SLC18A2: variants seen among roughly 807,000 people sequenced by gnomAD.
The protein encoded by SLC18A2 is synaptic vesicular amine transporter.
A neutral mutation model predicts 59.2 loss-of-function variants in SLC18A2; 33 were observed. That is an observed-to-expected ratio of 0.56 (90% CI 0.42 to 0.75). The LOEUF (loss-of-function observed/expected upper bound fraction) is 0.75, where lower values mean the gene tolerates loss of function less well. Ranked by LOEUF, SLC18A2 falls within the 30% of genes least tolerant of loss-of-function variation. The pLI, the probability that SLC18A2 is intolerant of heterozygous loss-of-function variation, is 0.00. For synonymous variants in SLC18A2, 228 were observed against 253.5 expected, an observed-to-expected ratio of 0.90 and a Z score of 0.95; for missense variants, 569 against 668.6, an observed-to-expected ratio of 0.85 and a Z score of 1.64.
chr10:117,244,499 C>G (rs1389297249), intron 3 of SLC18A2, among the ~76,000 whole-genome samples, 186 bp downstream of exon 3: 1 of 152,208 alleles, frequency 6.6e-6, no homozygotes, highest in Non-Finnish European at 1.5e-5. Context: ...CTATTCTATT[C>G]TCCCTTCTGT....
chr10:117,270,210 A>C lies in SLC18A2; in HGVS notation c.1306+20A>C, dbSNP rs768908381. 4 of 1,614,052 alleles carry C rather than the reference A, an allele frequency of 2.5e-6. No homozygotes were observed. The highest frequency in any genetic ancestry group is 1.1e-5 in the South Asian group (1 of 90,998). Reference sequence around the variant, plus strand: ...CTATAGGTAAGGACATTGGCTTTTCATAAGAACCTTTTACCTCAATACGTA... The same window carrying C: ...CTATAGGTAAGGACATTGGCTTTTCCTAAGAACCTTTTACCTCAATACGTA... On this transcript the variant is annotated intron_variant, in intron 14 of 15. Coordinates refer to ENST00000644641, the MANE Select transcript of SLC18A2 (RefSeq NM_003054.6).
At chr10:117,267,409 G>C in intron 12 of SLC18A2, 1 of 439,522 alleles carries the variant, frequency 2.3e-6, no homozygotes, top group East Asian at 3.4e-5. Flanking sequence ...ACTTGTTCTT[G>C]TCAAAACTTG....
At chr10:117,254,583 G>T in intron 6 of SLC18A2, 86 bp downstream of exon 6, 1 of 909,716 alleles carries the variant, frequency 1.1e-6, no homozygotes, top group Non-Finnish European at 1.6e-6. Context: ...TGACCCTGGC[G>T]CAGTTTGCAC....
rs1844512422 is a variant in SLC18A2, at chr10:117,277,337, A to C, written c.*71A>C. 2.2e-5 allele frequency: 20 copies of C among 928,556 alleles called. No individual in the cohort carries two copies. Among genetic ancestry groups the C allele is most frequent in the Non-Finnish European group, 3.4e-5 (20 of 593,542 alleles). The allele number at this position is 928,556 out of a possible 1,614,324, so 57.5% of individuals were successfully genotyped here. On this transcript the variant is annotated 3_prime_UTR_variant, in exon 16 of 16. Coordinates refer to ENST00000644641, the MANE Select transcript of SLC18A2 (RefSeq NM_003054.6). ...GTGTTTCCAGTGACACAACTCATCC[A>C]GAACTGTCTTAGTCATACCATCCAT... is the stretch of plus-strand genomic sequence containing the variant.
intron 5 of SLC18A2, 101 bp downstream of exon 5, chr10:117,254,232 G>A (rs972068098): frequency 1.5e-6 from 2 of 1,295,294 alleles, no homozygotes; most frequent in Admixed American, 1.8e-5. Context: ...GGGTGCTGGG[G>A]ATTCTTGGAG....
rs766070971 is a variant in SLC18A2 at position 117,266,760 on chromosome 10, CTT to C, written c.1020_1021del (p.Tyr341SerfsTer119). 1.9e-6 allele frequency: 3 copies of C among 1,613,964 alleles called. No homozygotes were observed. Among genetic ancestry groups the C allele is most frequent in the South Asian group, 1.1e-5 (1 of 91,040 alleles). The stretch of plus-strand genomic sequence containing the variant: ...GTTGCCTTCTTGCCAGCTAGTATCT[CTT>C]ATCTCATTGGAACCAATATTTTTGG... On this transcript the variant is annotated frameshift_variant, in exon 11 of 16. Transcript: ENST00000644641. LOFTEE classifies it high-confidence loss of function.
intron 15 of SLC18A2, among the ~76,000 whole-genome samples, chr10:117,270,942 A>G (rs1844418376): frequency 6.6e-6 from 1 of 152,226 alleles, no homozygotes. Flanking sequence ...ATCATTGTAT[A>G]TGGACTTTGG....
Position 117,278,495 on chromosome 10 carries a change from A to G in SLC18A2, c.*1229A>G, listed in dbSNP as rs1844532237. On this transcript the variant is annotated 3_prime_UTR_variant, in exon 16 of 16. Coordinates refer to ENST00000644641, the MANE Select transcript of SLC18A2 (RefSeq NM_003054.6). ...TGATGTGCCTTTTCAGTGTAACAGC[A>G]AATACTGTTAGTGAACATTGTCAAT... 6.6e-6 allele frequency: 1 copy of G among 152,250 alleles called. No homozygotes were observed. The highest frequency in any genetic ancestry group is 1.5e-5 in the Non-Finnish European group (1 of 68,040). The allele number at this position is 152,250 out of a possible 1,614,324, so 9.4% of individuals were successfully genotyped here.
At chr10:117,263,905 C>T (rs1844320990) in intron 10 of SLC18A2, among the ~76,000 whole-genome samples, 1 of 152,156 alleles carries the variant, frequency 6.6e-6, no homozygotes, top group African/African-American at 2.4e-5. Context: ...CCTTCTGTGG[C>T]TCTGGGGTGC....
intron 10 of SLC18A2, among the ~76,000 whole-genome samples, chr10:117,266,021 C>G (rs564518907): frequency 9.7e-4 from 138 of 141,736 alleles, no homozygotes; most frequent in African/African-American, 3.4e-3. Context: ...ACCTGGGAGG[C>G]AGAGGTTGCA....
Position 117,269,958 on chromosome 10 carries a change from G to T in SLC18A2, c.1187-113G>T. ...CACCCCAAGACTTGCAGGTGGTGAT[G>T]ACAGAAGGGGAAGAGCTGGCAGGGT... On this transcript the variant is annotated intron_variant, in intron 13 of 15. Transcript: ENST00000644641. This position sits in a 1 kb window ranked among gnomAD's most constrained non-coding sequence, Gnocchi z 5.1. The T allele has an allele frequency of 7.7e-7, 1 of 1,293,476 alleles. No homozygotes were observed. 80.1% of individuals were successfully genotyped at this position (1,293,476 alleles called of 1,614,324 possible).
chr10:117,259,585 C>T (rs1011616390), intron 10 of SLC18A2, among the ~76,000 whole-genome samples: 4 of 152,154 alleles, frequency 2.6e-5, no homozygotes, highest in African/African-American at 9.7e-5. Context: ...AATATTTTAC[C>T]CTTATCCTAC....
intron 15 of SLC18A2, among the ~76,000 whole-genome samples, chr10:117,273,456 C>T (rs1273845197): frequency 6.6e-6 from 1 of 152,074 alleles, no homozygotes; most frequent in Non-Finnish European, 1.5e-5. Flanking sequence ...TAATTGTTGC[C>T]AAGACAAGAA....
chr10:117,255,611 A>G lies in SLC18A2; in HGVS notation c.849A>G (p.Thr283=), dbSNP rs748247460. Residue 283 remains threonine (T), a synonymous_variant, in exon 9 of 16, where the codon ACA becomes ACG. Coordinates refer to ENST00000644641, the MANE Select transcript of SLC18A2 (RefSeq NM_003054.6). Reference sequence around the variant, plus strand: ...TTTCTTGACAGAGTCAGAAGGGGACACCCCTAACCACGCTGCTGAAGGACC... The same window carrying G: ...TTTCTTGACAGAGTCAGAAGGGGACGCCCCTAACCACGCTGCTGAAGGACC... ...SRVQPESQKG[T]PLTTLLKDPY... is the part of the protein sequence containing the mutation. 6.2e-7 allele frequency: 1 copy of G among 1,613,860 alleles called. No individual in the cohort carries two copies. The highest frequency in any genetic ancestry group is 1.1e-5 in the South Asian group (1 of 91,062).
intron 4 of SLC18A2, among the ~76,000 whole-genome samples, chr10:117,253,662 A>G (rs1257518323): frequency 1.3e-5 from 2 of 152,138 alleles, no homozygotes; most frequent in Non-Finnish European, 2.9e-5. Context: ...CCTGGCCAAC[A>G]TGGCAAAACC....
rs767337086 is a variant in SLC18A2 at position 117,255,286 on chromosome 10, C to G, written c.710C>G (p.Pro237Arg). Residue 237 changes from proline to arginine, a missense_variant, in exon 7 of 16, where the codon CCC (proline) becomes CGC (arginine). Pro to Arg is a moderately radical substitution (Grantham distance 103). Coordinates refer to ENST00000644641, the MANE Select transcript of SLC18A2 (RefSeq NM_003054.6). ...GLAMGVLVGP[P>R]FGSVLYEFVG... ...CTTTCTCTCCCTGCAGTGGGCCCCC[C>G]CTTCGGGAGTGTGCTCTATGAGTTT... 9 of 1,614,086 alleles carry G rather than the reference C, an allele frequency of 5.6e-6. No individual in the cohort carries two copies. Among genetic ancestry groups the G allele is most frequent in the South Asian group, 3.3e-5 (3 of 91,090 alleles).
At chr10:117,264,341 T>G (rs568429366) in intron 10 of SLC18A2, among the ~76,000 whole-genome samples, 9 of 152,362 alleles carry the variant, frequency 5.9e-5, no homozygotes, top group Non-Finnish European at 1.2e-4. Flanking sequence ...GCTGGGTGCG[T>G]GGCTCATGCC....
intron 3 of SLC18A2, among the ~76,000 whole-genome samples, chr10:117,249,807 G>A (rs951810997): frequency 6.8e-6 from 1 of 148,078 alleles, no homozygotes; most frequent in African/African-American, 2.5e-5. Flanking sequence ...GTTTTTCTAG[G>A]GATTCATTAT....
intron 15 of SLC18A2, among the ~76,000 whole-genome samples, chr10:117,272,100 G>GGAGAAAT (rs1444928981): frequency 6.6e-6 from 1 of 152,134 alleles, no homozygotes; most frequent in Non-Finnish European, 1.5e-5. Flanking sequence ...TCTGTTGCAT[G>GGAGAAAT]GAGAAATGAT....
Sources: gnomAD v4.1 joint callset for allele counts (sites outside exome capture counted in the v4.1 genomes callset) on GRCh38, gnomAD v4.1.1 for gene constraint, Gnocchi (gnomAD v3.1) non-coding constraint, MANE v1.5 for transcripts, NCBI Gene and HGNC (gene_info 2026-07-23, HGNC 2026-07-21) for gene names.